The following GRIK3 variants were observed in gnomAD, a reference collection of about 807,000 sequenced individuals.
The protein encoded by GRIK3 is glutamate ionotropic receptor kainate type subunit 3.
GRIK3 carries 29 observed loss-of-function variants against 102.5 expected under a neutral mutation model. That is an observed-to-expected ratio of 0.28 (90% CI 0.21 to 0.39). GRIK3 has a LOEUF of 0.39. Ranked by LOEUF, GRIK3 falls within the 10% of genes least tolerant of loss-of-function variation. The probability of loss-of-function intolerance (pLI) is 1.00; values close to 1 mark genes in which losing one functional copy is unlikely to be tolerated. For synonymous variants in GRIK3, 511 were observed against 504.9 expected (o/e 1.01, Z -0.16); for missense variants, 908 against 1,252.4 (o/e 0.73, Z 4.15).
intron 1 of GRIK3, among the ~76,000 whole-genome samples, chr1:37,024,445 C>CTATTATTATTATTATTATTATTAT (rs10630686): frequency 6.9e-6 from 1 of 145,642 alleles, no homozygotes; most frequent in African/African-American, 2.5e-5. Flanking sequence ...GCAGGTACAA[C>CTATTATTATTATTATTATTATTAT]TATTATTATT....
chr1:36,941,415 G>A (rs1641717749), intron 1 of GRIK3, among the ~76,000 whole-genome samples: 1 of 152,180 alleles, frequency 6.6e-6, no homozygotes, highest in Non-Finnish European at 1.5e-5. Flanking sequence ...GATGATTGAT[G>A]GAATGTCAGG....
intron 1 of GRIK3, among the ~76,000 whole-genome samples, chr1:36,907,917 C>T (rs2124291749): frequency 6.6e-6 from 1 of 152,234 alleles, no homozygotes. Flanking sequence ...GTGAGAGAGG[C>T]CCCCTTGCCC....
chr1:36,946,057 C>T (rs1234041391), intron 1 of GRIK3, among the ~76,000 whole-genome samples: 2 of 152,244 alleles, frequency 1.3e-5, no homozygotes, highest in Non-Finnish European at 2.9e-5. Context: ...GGCAGAACTG[C>T]AAGAGGCAGC....
chr1:36,818,773 T>C, intron 12 of GRIK3, among the ~76,000 whole-genome samples: 1 of 152,250 alleles, frequency 6.6e-6, no homozygotes, highest in East Asian at 1.9e-4. Flanking sequence ...GTGAAGGTTA[T>C]ACACAGATGA....
intron 1 of GRIK3, among the ~76,000 whole-genome samples, chr1:37,007,890 G>A (rs1173977041): frequency 6.6e-6 from 1 of 152,174 alleles, no homozygotes; most frequent in African/African-American, 2.4e-5. Flanking sequence ...GTGGAAGTGG[G>A]GGCCCTAATG....
At chr1:36,908,089 C>T (rs948949196) in intron 1 of GRIK3, among the ~76,000 whole-genome samples, 10 of 152,342 alleles carry the variant, frequency 6.6e-5, no homozygotes, top group Admixed American at 4.6e-4. Context: ...CACCTTGCAT[C>T]AGGCAAAGGC....
intron 1 of GRIK3, among the ~76,000 whole-genome samples, chr1:36,918,124 A>G (rs1462117506): frequency 6.6e-6 from 1 of 152,222 alleles, no homozygotes; most frequent in East Asian, 1.9e-4. Context: ...CAAAGACAGG[A>G]CTTTCTGTGT....
intron 1 of GRIK3, among the ~76,000 whole-genome samples, chr1:36,910,845 G>A (rs1641336509): frequency 6.6e-6 from 1 of 152,206 alleles, no homozygotes; most frequent in African/African-American, 2.4e-5. Flanking sequence ...TGAGAGATTA[G>A]TTTCAGCCCC....
At chr1:36,955,989 T>A (rs1437628530) in intron 1 of GRIK3, among the ~76,000 whole-genome samples, 1 of 152,120 alleles carries the variant, frequency 6.6e-6, no homozygotes, top group Non-Finnish European at 1.5e-5. Context: ...GAAGACAAGG[T>A]TCTTGGTGAC....
At chr1:36,959,585 C>A in intron 1 of GRIK3, among the ~76,000 whole-genome samples, 1 of 112,960 alleles carries the variant, frequency 8.9e-6, no homozygotes, top group East Asian at 3.9e-4. Flanking sequence ...CTGTGTGCCC[C>A]ATGACTCTGT....
intron 5 of GRIK3, among the ~76,000 whole-genome samples, chr1:36,864,841 A>ATT (rs570003008): frequency 0.047 from 6,331 of 134,416 alleles, 362 homozygotes; most frequent in East Asian, 0.14. Context: ...GTCCAGCTCC[A>ATT]TTTTTTTTTT....
chr1:36,939,291 T>C (rs1189654448), intron 1 of GRIK3, among the ~76,000 whole-genome samples: 3 of 152,326 alleles, frequency 2.0e-5, no homozygotes, highest in African/African-American at 7.2e-5. Flanking sequence ...TGCAGGGTGC[T>C]GCAAGGGTGC....
At chr1:36,991,059 C>G (rs1015834280) in intron 1 of GRIK3, among the ~76,000 whole-genome samples, 2 of 152,156 alleles carry the variant, frequency 1.3e-5, no homozygotes, top group African/African-American at 4.8e-5. Context: ...CCCTGAGGTG[C>G]CTAAGGAAAG....
At chr1:36,844,050 C>T (rs973605089) in intron 9 of GRIK3, among the ~76,000 whole-genome samples, 8 of 152,226 alleles carry the variant, frequency 5.3e-5, no homozygotes, top group Non-Finnish European at 1.0e-4. Context: ...GCTGGGCTCC[C>T]GCTGTGGCGG....
chr1:36,945,292 G>A (rs571777771), intron 1 of GRIK3, among the ~76,000 whole-genome samples: 1 of 152,366 alleles, frequency 6.6e-6, no homozygotes, highest in South Asian at 2.1e-4. Flanking sequence ...CACCAGTTTA[G>A]GGTAGAAGAA....
intron 1 of GRIK3, among the ~76,000 whole-genome samples, chr1:36,901,405 T>C (rs1641230927): frequency 6.6e-6 from 1 of 152,174 alleles, no homozygotes; most frequent in Non-Finnish European, 1.5e-5. Flanking sequence ...ATGTAATCCA[T>C]TATATCAGTA....
intron 5 of GRIK3, among the ~76,000 whole-genome samples, chr1:36,864,764 C>T (rs1230280184): frequency 2.0e-5 from 3 of 152,034 alleles, no homozygotes; most frequent in East Asian, 3.9e-4. Context: ...GGGCCTGTGG[C>T]ACAGAGTGCC....
chr1:36,958,304 T>C (rs4653234), intron 1 of GRIK3, among the ~76,000 whole-genome samples: 1 of 68,150 alleles, frequency 1.5e-5, no homozygotes, highest in Non-Finnish European at 2.7e-5. Flanking sequence ...GCCCCCTGAG[T>C]CTGTGTGCCC....
intron 9 of GRIK3, among the ~76,000 whole-genome samples, chr1:36,848,663 C>T (rs111515735): frequency 6.6e-6 from 1 of 151,328 alleles, no homozygotes; most frequent in African/African-American, 2.4e-5. Flanking sequence ...TCTTTTTAAC[C>T]CTCCTTTATC....
Sources: allele counts gnomAD v4.1 joint callset (sites outside exome capture counted in the v4.1 genomes callset), GRCh38; gene constraint gnomAD v4.1.1; transcripts MANE v1.5; gene names NCBI Gene and HGNC (gene_info 2026-07-23, HGNC 2026-07-21).